The following PRKAR2B variants were observed in gnomAD, a reference collection of about 807,000 sequenced individuals.
PRKAR2B encodes the protein cAMP-dependent protein kinase type II-beta regulatory subunit.
A neutral mutation model predicts 49.9 loss-of-function variants in PRKAR2B; 14 were observed. That is an observed-to-expected ratio of 0.28 (90% CI 0.19 to 0.44). The LOEUF (loss-of-function observed/expected upper bound fraction) is 0.44. Among genes scored for constraint, PRKAR2B ranks in the 20% least tolerant of loss-of-function variants. The pLI is 1.00. For missense variants in PRKAR2B, 393 were observed against 537.9 expected (o/e 0.73, Z 2.67); for synonymous variants, 196 against 197.7 (o/e 0.99, Z 0.07).
chr7:107,143,193 C>G (rs2115644712), intron 5 of PRKAR2B, among the ~76,000 whole-genome samples: 2 of 152,318 alleles, frequency 1.3e-5, no homozygotes, highest in South Asian at 4.1e-4. Flanking sequence ...AGAACAGTTT[C>G]AGCGCAAAAG....
At chr7:107,104,675 C>T (rs866721099) in intron 2 of PRKAR2B, among the ~76,000 whole-genome samples, 28 of 152,068 alleles carry the variant, frequency 1.8e-4, no homozygotes, top group African/African-American at 5.8e-4. Context: ...GAGGATTATC[C>T]CTAAAACCTT....
chr7:107,113,770 T>C (rs966137675), intron 2 of PRKAR2B, among the ~76,000 whole-genome samples: 1 of 152,222 alleles, frequency 6.6e-6, no homozygotes, highest in Admixed American at 6.5e-5. Flanking sequence ...GTGGATTACA[T>C]GCACCTGTCT....
At chr7:107,093,581 A>G (rs1794776065) in intron 2 of PRKAR2B, among the ~76,000 whole-genome samples, 1 of 151,396 alleles carries the variant, frequency 6.6e-6, no homozygotes, top group Non-Finnish European at 1.5e-5. Context: ...TTACATATGT[A>G]TACATGTGCC....
chr7:107,090,099 T>G (rs752944328), intron 2 of PRKAR2B, among the ~76,000 whole-genome samples: 4 of 152,214 alleles, frequency 2.6e-5, no homozygotes, highest in Non-Finnish European at 4.4e-5. Flanking sequence ...GCAAACACCT[T>G]TAATTCAATC....
intron 2 of PRKAR2B, among the ~76,000 whole-genome samples, chr7:107,108,003 T>A (rs2116820953): frequency 6.6e-6 from 1 of 152,032 alleles, no homozygotes; most frequent in South Asian, 2.1e-4. Flanking sequence ...TAAAGTAGGG[T>A]GACAGGATTC....
chr7:107,141,934 C>T (rs943660775), intron 5 of PRKAR2B, among the ~76,000 whole-genome samples: 2 of 152,230 alleles, frequency 1.3e-5, no homozygotes, highest in East Asian at 1.9e-4. Context: ...TGTGCTTTAC[C>T]TCATCATAGA....
At chr7:107,110,560 T>A (rs1489228370) in intron 2 of PRKAR2B, among the ~76,000 whole-genome samples, 1 of 151,760 alleles carries the variant, frequency 6.6e-6, no homozygotes, top group Non-Finnish European at 1.5e-5. Flanking sequence ...GTCTTGCATC[T>A]TTGATGCCAG....
chr7:107,137,849 T>C (rs1310035461), intron 4 of PRKAR2B, among the ~76,000 whole-genome samples: 1 of 152,192 alleles, frequency 6.6e-6, no homozygotes, highest in East Asian at 1.9e-4. Flanking sequence ...CTTTCTCTTT[T>C]CTGGAAGCTT....
intron 1 of PRKAR2B, among the ~76,000 whole-genome samples, chr7:107,047,393 G>A (rs1544582): frequency 0.64 from 96,692 of 151,876 alleles, 32,031 homozygotes; most frequent in African/African-American, 0.83. Context: ...CGGTTAGTAA[G>A]TGTTTTAGAC....
intron 2 of PRKAR2B, among the ~76,000 whole-genome samples, chr7:107,108,048 G>A (rs190682100): frequency 6.6e-6 from 1 of 152,272 alleles, no homozygotes; most frequent in East Asian, 1.9e-4. Context: ...CACAGAAAGA[G>A]GAGGCTGAAA....
At chr7:107,152,389 C>T (rs1227065713) in intron 7 of PRKAR2B, among the ~76,000 whole-genome samples, 1 of 152,146 alleles carries the variant, frequency 6.6e-6, no homozygotes, top group Non-Finnish European at 1.5e-5. Flanking sequence ...TTGTACTTGC[C>T]GTCTGTCTGG....
At chr7:107,123,713 C>T (rs1020283263) in intron 3 of PRKAR2B, among the ~76,000 whole-genome samples, 1 of 152,206 alleles carries the variant, frequency 6.6e-6, no homozygotes, top group Admixed American at 6.5e-5. Context: ...TTGGGAACCA[C>T]TTCTGTAAAT....
chr7:107,145,800 C>T (rs1293284301), intron 5 of PRKAR2B, among the ~76,000 whole-genome samples: 2 of 140,812 alleles, frequency 1.4e-5, no homozygotes, highest in African/African-American at 5.5e-5. Flanking sequence ...AGTGCAGTGG[C>T]ACAATCTCGG....
intron 2 of PRKAR2B, among the ~76,000 whole-genome samples, chr7:107,093,150 T>C (rs1794763621): frequency 6.6e-6 from 1 of 152,236 alleles, no homozygotes; most frequent in South Asian, 2.1e-4. Context: ...GCTTCTACCT[T>C]TGGCTATTGT....
At chr7:107,113,388 T>C (rs1197896411) in intron 2 of PRKAR2B, among the ~76,000 whole-genome samples, 1 of 152,230 alleles carries the variant, frequency 6.6e-6, no homozygotes, top group African/African-American at 2.4e-5. Flanking sequence ...AGGATTCTGT[T>C]TTTATTTCAC....
intron 5 of PRKAR2B, among the ~76,000 whole-genome samples, chr7:107,142,024 T>C (rs1179163609): frequency 2.0e-5 from 3 of 152,160 alleles, no homozygotes. Flanking sequence ...TCTTCACTTT[T>C]GTAAAACAAT....
At chr7:107,127,239 C>T (rs1795513657) in intron 3 of PRKAR2B, among the ~76,000 whole-genome samples, 1 of 152,222 alleles carries the variant, frequency 6.6e-6, no homozygotes, top group African/African-American at 2.4e-5. Flanking sequence ...GGTACCTGCC[C>T]ATCAGCTCTT....
At chr7:107,121,226 G>A (rs1324352821) in intron 2 of PRKAR2B, among the ~76,000 whole-genome samples, 2 of 151,876 alleles carry the variant, frequency 1.3e-5, no homozygotes, top group African/African-American at 4.8e-5. Flanking sequence ...ATAACTTTGG[G>A]AATAATGCTT....
chr7:107,129,344 G>T (rs1217991584), intron 4 of PRKAR2B, among the ~76,000 whole-genome samples: 3 of 152,112 alleles, frequency 2.0e-5, no homozygotes, highest in African/African-American at 7.2e-5. Flanking sequence ...CCATCTCTGA[G>T]TCTCCATTAC....
Sources: gnomAD v4.1 joint callset for allele counts (sites outside exome capture counted in the v4.1 genomes callset) on GRCh38, gnomAD v4.1.1 for gene constraint, MANE v1.5 for transcripts, NCBI Gene and HGNC (gene_info 2026-07-23, HGNC 2026-07-21) for gene names.